The following WDR33 variants were observed in gnomAD, a reference collection of about 807,000 sequenced individuals.
WDR33 encodes the protein WD repeat domain 33.
Under a neutral mutation model 164.9 loss-of-function variants are expected in WDR33, and 47 were observed. The ratio of observed to expected loss-of-function variants is 0.29; its 90% confidence interval spans 0.23 to 0.36. The LOEUF (loss-of-function observed/expected upper bound fraction) is 0.36, where lower values mean the gene tolerates loss of function less well. WDR33 is among the 10% of genes least tolerant of loss of function. WDR33 has a pLI of 1.00. For synonymous variants in WDR33, 505 were observed against 589.0 expected (o/e 0.86, Z 2.06); for missense variants, 1,137 against 1,754.1 (o/e 0.65, Z 6.28).
rs752323849 is a variant in WDR33, at chr2:127,771,022, T to C, written c.-23-18A>G. ...CTAGGATACTAGGATAAGGAAAAAG[T>C]ACTTTCACTACAAATATCAGCACTG... On this transcript the variant is annotated intron_variant, in intron 1 of 21. Coordinates refer to ENST00000322313, the MANE Select transcript of WDR33 (RefSeq NM_018383.5). 1.3e-6 allele frequency: 2 copies of C among 1,583,884 alleles called. No homozygotes were observed. The highest frequency in any genetic ancestry group is 1.3e-5 in the African/African-American group (1 of 74,228).
At position 127,769,017 on chromosome 2, in the gene WDR33, A is replaced by ATAAGGG; in HGVS notation, c.205-17_205-16insCCCTTA. 1 of 1,232,916 alleles carries ATAAGGG rather than the reference A, an allele frequency of 8.1e-7. No homozygotes were observed. Among genetic ancestry groups the ATAAGGG allele is most frequent in the Non-Finnish European group, 1.1e-6 (1 of 942,032 alleles). 76.4% of individuals were successfully genotyped at this position (1,232,916 alleles called of 1,614,324 possible). ...ATATTCTGTTCTGTTAAATAAATAA[A>ATAAGGG]TAAATAAATAAATAAATAAATAGAT... On this transcript the variant is annotated splice_polypyrimidine_tract_variant and intron_variant, in intron 2 of 21. Coordinates refer to ENST00000322313, the MANE Select transcript of WDR33 (RefSeq NM_018383.5).
chr2:127,721,436 G>A lies in WDR33; in HGVS notation c.1671+400C>T, dbSNP rs552457969. 6.6e-6 allele frequency among the ~76,000 whole-genome samples: 1 copy of A among 152,030 alleles called. No individual in the cohort carries two copies. Among genetic ancestry groups the A allele is most frequent in the East Asian group, 1.9e-4 (1 of 5,180 alleles). On this transcript the variant is annotated intron_variant, in intron 15 of 21. Transcript: ENST00000322313. The surrounding 1 kb of genome is among the most constrained non-coding windows in gnomAD (Gnocchi z 4.9). ...ATTGGGTTTTAAAAGTCCAAGATAT[G>A]ACTCAAGGAAGTCACTTAAAAAAAA...
rs1465734215 is a variant in WDR33 at position 127,764,481 on chromosome 2, T to C, written c.626+347A>G. ...TTTATTCAGTTGCATAATTAAAGAC[T>C]GAATTCTTTATTTGGAATGAAATAT... On this transcript the variant is annotated intron_variant, in intron 6 of 21. Coordinates refer to ENST00000322313, the MANE Select transcript of WDR33 (RefSeq NM_018383.5). This position sits in a 1 kb window ranked among gnomAD's most constrained non-coding sequence, Gnocchi z 6.2. The C allele has an allele frequency of 3.4e-6, 5 of 1,478,672 alleles. No homozygotes were observed. The Admixed American group carries it at 8.3e-5, about 25-fold the overall frequency. The allele number at this position is 1,478,672 out of a possible 1,614,324, so 91.6% of individuals were successfully genotyped here.
chr2:127,781,338 G>A (rs1688361543), intron 1 of WDR33, among the ~76,000 whole-genome samples: 1 of 152,078 alleles, frequency 6.6e-6, no homozygotes, highest in African/African-American at 2.4e-5. Context: ...GGATGGGTGT[G>A]GTTATAAAAA....
At chr2:127,791,697 T>C (rs1688850495) in intron 1 of WDR33, among the ~76,000 whole-genome samples, 1 of 152,166 alleles carries the variant, frequency 6.6e-6, no homozygotes, top group African/African-American at 2.4e-5. Flanking sequence ...GCATCCTGTA[T>C]TAGAAATCAT....
rs1286335876 is a variant in WDR33, at chr2:127,719,792, C to T, written c.2233G>A (p.Gly745Ser). Residue 745 changes from glycine to serine, a missense_variant, in exon 16 of 22, where the codon GGT becomes AGT. By Grantham distance (56) the Gly-to-Ser change is moderately conservative. Coordinates refer to ENST00000322313, the MANE Select transcript of WDR33 (RefSeq NM_018383.5). This position sits in a 1 kb window ranked among gnomAD's most constrained non-coding sequence, Gnocchi z 6.5. The stretch of plus-strand genomic sequence containing the variant: ...GGAGGCCCTTGCATTCCTCTGGGAC[C>T]AGGTGGTCCCTGCATACCTTGAGTA... The part of the protein sequence containing the change: ...PGTQGMQGPP[G>S]PRGMQGPPHP... The T allele has an allele frequency of 8.1e-6, 13 of 1,613,636 alleles. No homozygotes were observed. The highest frequency in any genetic ancestry group is 1.1e-5 in the Non-Finnish European group (13 of 1,180,004).
intron 1 of WDR33, among the ~76,000 whole-genome samples, chr2:127,804,362 A>G (rs1689361315): frequency 6.6e-6 from 1 of 152,194 alleles, no homozygotes; most frequent in African/African-American, 2.4e-5. Flanking sequence ...ACTGGATTAG[A>G]GAAAGAAAAA....
At chr2:127,777,025 G>A (rs1688207177) in intron 1 of WDR33, among the ~76,000 whole-genome samples, 1 of 152,222 alleles carries the variant, frequency 6.6e-6, no homozygotes, top group Non-Finnish European at 1.5e-5. Context: ...ATCCAGGGTG[G>A]AGAGGGAGGA....
At chr2:127,785,642 T>TCTTG (rs1317317578) in intron 1 of WDR33, among the ~76,000 whole-genome samples, 11 of 151,914 alleles carry the variant, frequency 7.2e-5, no homozygotes, top group African/African-American at 2.7e-4. Flanking sequence ...TCTTTTCAGG[T>TCTTG]CTTGATAGCT....
chr2:127,790,573 TTTTAACTATAAATTCAATTCA>T (rs1481992696), intron 1 of WDR33, among the ~76,000 whole-genome samples: 5 of 152,178 alleles, frequency 3.3e-5, no homozygotes, highest in African/African-American at 1.2e-4. Context: ...TTTGGAAGAT[TTTTAACTATAAATTCAATTCA>T]TTTAACTATG....
intron 7 of WDR33, among the ~76,000 whole-genome samples, chr2:127,751,144 T>G (rs1687347099): frequency 6.6e-6 from 1 of 151,870 alleles, no homozygotes; most frequent in Non-Finnish European, 1.5e-5. Context: ...GAGGATCACT[T>G]GAGCCCAGGA....
At chr2:127,728,061 A>C (rs1686613906) in intron 7 of WDR33, among the ~76,000 whole-genome samples, 1 of 152,224 alleles carries the variant, frequency 6.6e-6, no homozygotes, top group Non-Finnish European at 1.5e-5. Flanking sequence ...GTATGTATCA[A>C]AAGTATGAGA....
intron 7 of WDR33, among the ~76,000 whole-genome samples, chr2:127,743,354 C>T (rs1181820152): frequency 6.6e-6 from 1 of 152,128 alleles, no homozygotes; most frequent in Non-Finnish European, 1.5e-5. Context: ...CAGTTGACAG[C>T]ATGACAGACT....
At chr2:127,766,971 C>T (rs1359481923) in intron 4 of WDR33, among the ~76,000 whole-genome samples, 1 of 152,160 alleles carries the variant, frequency 6.6e-6, no homozygotes, top group Non-Finnish European at 1.5e-5. Flanking sequence ...ATTGGTCAGG[C>T]TGGTCTCAAA....
At chr2:127,808,262 A>G (rs977387305) in intron 1 of WDR33, among the ~76,000 whole-genome samples, 19 of 152,228 alleles carry the variant, frequency 1.2e-4, no homozygotes, top group African/African-American at 4.6e-4. Flanking sequence ...ACATTCTTAT[A>G]TACAAAGAAA....
rs1241443472 is a variant in WDR33, at chr2:127,741,910, ACACTTTCCGG to A, written c.725-15143_725-15134del. On this transcript the variant is annotated intron_variant, in intron 7 of 21. Coordinates refer to ENST00000322313, the MANE Select transcript of WDR33 (RefSeq NM_018383.5). The surrounding 1 kb of genome is among the most constrained non-coding windows in gnomAD (Gnocchi z 4.1). ...AGTAAACATGCAGTTGATAAAAATA[ACACTTTCCGG>A]CTGGGCACGGTGGCTCACACCTGTA... 6.6e-6 allele frequency among the ~76,000 whole-genome samples: 1 copy of A among 152,170 alleles called. No homozygotes were observed. The highest frequency in any genetic ancestry group is 2.4e-5 in the African/African-American group (1 of 41,440).
chr2:127,800,865 G>C (rs995470078), intron 1 of WDR33, among the ~76,000 whole-genome samples: 2 of 152,086 alleles, frequency 1.3e-5, no homozygotes, highest in Non-Finnish European at 2.9e-5. Flanking sequence ...TGTGTACACA[G>C]TATTGCCACA....
chr2:127,758,496 TA>T (rs141554741), intron 7 of WDR33, among the ~76,000 whole-genome samples: 4,626 of 152,250 alleles, frequency 0.03, 101 homozygotes, highest in Middle Eastern at 0.044. Context: ...CTGGGAAGAT[TA>T]AATAAAGTAC....
intron 1 of WDR33, among the ~76,000 whole-genome samples, chr2:127,791,506 A>G (rs35413054): frequency 0.11 from 16,220 of 152,100 alleles, 1,197 homozygotes; most frequent in South Asian, 0.26. Context: ...CTTGACGGAA[A>G]GAGAAACAGC....
Sources: allele counts gnomAD v4.1 joint callset (sites outside exome capture counted in the v4.1 genomes callset), GRCh38; gene constraint gnomAD v4.1.1; non-coding constraint Gnocchi (gnomAD v3.1); transcripts MANE v1.5; gene names NCBI Gene and HGNC (gene_info 2026-07-23, HGNC 2026-07-21).